Variants in GRIK3 observed in about 807,000 individuals in gnomAD.
GRIK3 encodes the protein glutamate ionotropic receptor kainate type subunit 3, also known as glutamate receptor ionotropic, kainate 3.
Under a neutral mutation model 102.5 loss-of-function variants are expected in GRIK3, and 29 were observed. The observed-to-expected ratio is 0.28, with a 90% CI of 0.21 to 0.39. GRIK3 has a LOEUF of 0.39. Among genes scored for constraint, GRIK3 ranks in the 10% least tolerant of loss-of-function variants. The probability of loss-of-function intolerance (pLI) is 1.00; values close to 1 mark genes in which losing one functional copy is unlikely to be tolerated. For synonymous variants in GRIK3, 511 were observed against 504.9 expected (o/e 1.01, Z -0.16); for missense variants, 908 against 1,252.4 (o/e 0.73, Z 4.15).
chr1:36,879,332 A>G (rs867195015), intron 3 of GRIK3, among the ~76,000 whole-genome samples: 1 of 151,940 alleles, frequency 6.6e-6, no homozygotes, highest in East Asian at 1.9e-4. Context: ...TGGCTCTACA[A>G]AAAAATACAA....
At chr1:36,939,364 T>C (rs1014624416) in intron 1 of GRIK3, among the ~76,000 whole-genome samples, 2 of 152,190 alleles carry the variant, frequency 1.3e-5, no homozygotes, top group African/African-American at 4.8e-5. Flanking sequence ...CTTTGCATAC[T>C]CACAAGCAAA....
intron 1 of GRIK3, among the ~76,000 whole-genome samples, chr1:37,010,993 C>T (rs1303549598): frequency 2.6e-5 from 4 of 151,980 alleles, no homozygotes; most frequent in Admixed American, 6.6e-5. Flanking sequence ...CACCCGCCTC[C>T]GCCTCCCAAA....
At chr1:36,842,174 T>A (rs1046928806) in intron 9 of GRIK3, among the ~76,000 whole-genome samples, 7 of 152,150 alleles carry the variant, frequency 4.6e-5, no homozygotes, top group Non-Finnish European at 7.3e-5. Context: ...ACTTACTGAT[T>A]TAATGGCCCA....
intron 14 of GRIK3, among the ~76,000 whole-genome samples, chr1:36,805,448 G>A (rs1031623443): frequency 3.9e-5 from 6 of 152,214 alleles, no homozygotes; most frequent in African/African-American, 1.4e-4. Context: ...TGCCCATTGT[G>A]TATCAGTCCC....
intron 11 of GRIK3, among the ~76,000 whole-genome samples, chr1:36,822,930 A>G (rs1642711185): frequency 6.6e-6 from 1 of 152,198 alleles, no homozygotes; most frequent in African/African-American, 2.4e-5. Context: ...AAGGCCTTGC[A>G]CAATGCCTGG....
chr1:36,870,708 G>A (rs1330854360), intron 4 of GRIK3, among the ~76,000 whole-genome samples: 1 of 152,186 alleles, frequency 6.6e-6, no homozygotes, highest in Admixed American at 6.5e-5. Flanking sequence ...ACAGACCTGG[G>A]AGTCCATTCT....
At chr1:36,889,636 A>G (rs954821207) in intron 2 of GRIK3, among the ~76,000 whole-genome samples, 1 of 152,148 alleles carries the variant, frequency 6.6e-6, no homozygotes, top group African/African-American at 2.4e-5. Context: ...CTCACCAACA[A>G]CTTGGCAGTT....
At chr1:37,027,809 C>A (rs1347593581) in intron 1 of GRIK3, among the ~76,000 whole-genome samples, 1 of 152,198 alleles carries the variant, frequency 6.6e-6, no homozygotes, top group Non-Finnish European at 1.5e-5. Context: ...CAGTCCCTGG[C>A]AGCCACCATT....
At chr1:36,960,353 A>G (rs1257061114) in intron 1 of GRIK3, among the ~76,000 whole-genome samples, 1 of 150,944 alleles carries the variant, frequency 6.6e-6, no homozygotes, top group African/African-American at 2.4e-5. Flanking sequence ...TGTTTGCCCC[A>G]TGAGCTTGTG....
chr1:36,999,266 C>T (rs1389848336), intron 1 of GRIK3, among the ~76,000 whole-genome samples: 1 of 152,044 alleles, frequency 6.6e-6, no homozygotes, highest in Non-Finnish European at 1.5e-5. Flanking sequence ...GGGAAAGGTG[C>T]CCAGGTGCAC....
rs1039838704 is a variant in GRIK3, at chr1:36,802,045, G to A, written c.2566C>T (p.Arg856Cys). 6.9e-6 allele frequency: 11 copies of A among 1,604,414 alleles called. No homozygotes were observed. The highest frequency in any genetic ancestry group is 4.0e-5 in the African/African-American group (3 of 74,746). ...TCGGCCACGGTGCTGCAGAAGGAACGCTGCAGGAGGGTGGAGGAGAGGGGT... is the reference window on the plus strand; with the variant it reads ...TCGGCCACGGTGCTGCAGAAGGAACACTGCAGGAGGGTGGAGGAGAGGGGT... ...KLRKTAEREQ[R>C]SFCSTVADEI... Residue 856 changes from arginine to cysteine, a missense_variant and splice_region_variant, in exon 16 of 16, where the codon CGT (arginine) becomes TGT (cysteine). Physicochemically the swap from Arg to Cys is radical, Grantham distance 180 (BLOSUM62 -3). Coordinates refer to ENST00000373091, the MANE Select transcript of GRIK3 (RefSeq NM_000831.4).
At chr1:36,989,895 G>A (rs1034688909) in intron 1 of GRIK3, among the ~76,000 whole-genome samples, 16 of 152,178 alleles carry the variant, frequency 1.1e-4, no homozygotes, top group African/African-American at 3.9e-4. Context: ...ACCATGCTAA[G>A]CCCCTCCCAG....
intron 1 of GRIK3, among the ~76,000 whole-genome samples, chr1:36,989,266 T>C (rs998666431): frequency 2.0e-5 from 3 of 152,076 alleles, no homozygotes; most frequent in African/African-American, 7.2e-5. Flanking sequence ...TCATGAGAAA[T>C]ATTCCAGCAC....
intron 1 of GRIK3, among the ~76,000 whole-genome samples, chr1:37,014,100 TC>T (rs1642627071): frequency 6.6e-6 from 1 of 152,214 alleles, no homozygotes; most frequent in African/African-American, 2.4e-5. Context: ...TAGCCACCTC[TC>T]CAGAGAGGCC....
intron 1 of GRIK3, among the ~76,000 whole-genome samples, chr1:36,892,917 G>T (rs1641133059): frequency 1.3e-5 from 2 of 152,174 alleles, no homozygotes; most frequent in South Asian, 4.1e-4. Flanking sequence ...AAGATGGCTA[G>T]TTCCAATCAG....
rs764550051 is a variant in GRIK3 at position 36,859,197 on chromosome 1, G to T, written c.1015C>A (p.Arg339=). Residue 339 remains arginine, a synonymous_variant, in exon 7 of 16, where the codon CGG becomes AGG. Transcript: ENST00000373091. The part of the protein sequence containing the change: ...AVHIVSVCYQ[R]APQMTVNSLQ... The stretch of plus-strand genomic sequence containing the variant: ...GAGTTCACGGTCATCTGTGGTGCCC[G>T]CTGGTAGCACACGGACACGATATGG... 1.2e-6 allele frequency: 2 copies of T among 1,613,706 alleles called. No homozygotes were observed. Among genetic ancestry groups the T allele is most frequent in the South Asian group, 2.2e-5 (2 of 91,054 alleles).
chr1:36,949,325 A>AAG (rs1374372589), intron 1 of GRIK3, among the ~76,000 whole-genome samples: 1 of 152,116 alleles, frequency 6.6e-6, no homozygotes, highest in African/African-American at 2.4e-5. Context: ...CCCCCTACTG[A>AAG]AGCTACTAGA....
At chr1:36,969,077 C>A (rs1188374064) in intron 1 of GRIK3, among the ~76,000 whole-genome samples, 1 of 152,184 alleles carries the variant, frequency 6.6e-6, no homozygotes, top group Non-Finnish European at 1.5e-5. Context: ...CACTGGCTCC[C>A]AAGACAAAGC....
chr1:36,872,268 G>T lies in GRIK3; in HGVS notation c.652C>A (p.Leu218Ile). 6.2e-7 allele frequency: 1 copy of T among 1,613,286 alleles called. No homozygotes were observed. Among genetic ancestry groups the T allele is most frequent in the Non-Finnish European group, 8.5e-7 (1 of 1,179,638 alleles). ...TCCCGGCCTCGCTTCATCTCCTTGA[G>T]CAAGGGGCGCGAGTCGTCAGAGTCG... ...PIDSDDSRPLLKEMKRGREFR... is the reference protein window; with the variant it reads ...PIDSDDSRPLIKEMKRGREFR... Residue 218 changes from leucine to isoleucine, a missense_variant, in exon 4 of 16, where the codon CTC (leucine) becomes ATC (isoleucine). This residue lies in a region of GRIK3 where 585 missense variants were observed against 824.9 expected (regional missense o/e 0.71). Transcript: ENST00000373091. The surrounding 1 kb of genome is among the most constrained non-coding windows in gnomAD (Gnocchi z 5.9).
Sources: allele counts gnomAD v4.1 joint callset (sites outside exome capture counted in the v4.1 genomes callset), GRCh38; gene constraint gnomAD v4.1.1; regional missense constraint gnomAD v4.1.1; non-coding constraint Gnocchi (gnomAD v3.1); transcripts MANE v1.5; gene names NCBI Gene and HGNC (gene_info 2026-07-23, HGNC 2026-07-21).